Variants in HS2ST1 observed in about 807,000 individuals in gnomAD.
The protein encoded by HS2ST1 is 2-O-sulfotransferase.
Under a neutral mutation model 42.9 loss-of-function variants are expected in HS2ST1, and 18 were observed. The observed-to-expected ratio is 0.42, with a 90% CI of 0.29 to 0.62. The LOEUF is 0.62. Among genes scored for constraint, HS2ST1 ranks in the 20% least tolerant of loss-of-function variants. The pLI is 0.21. For synonymous variants in HS2ST1, 146 were observed against 152.9 expected (o/e 0.95, Z 0.33); for missense variants, 334 against 433.8 (o/e 0.77, Z 2.04).
intron 4 of HS2ST1, among the ~76,000 whole-genome samples, chr1:87,097,554 C>T (rs1227790883): frequency 1.3e-5 from 2 of 152,072 alleles, no homozygotes; most frequent in Non-Finnish European, 2.9e-5. Context: ...CTACCACGCC[C>T]AGCTAATTTT....
intron 1 of HS2ST1, among the ~76,000 whole-genome samples, chr1:86,964,645 TGGGGAG>T (rs1647990322): frequency 6.6e-6 from 1 of 152,062 alleles, no homozygotes; most frequent in African/African-American, 2.4e-5. Flanking sequence ...AGGGAGACCG[TGGGGAG>T]AGGGAGAGGG....
At chr1:87,014,545 A>G (rs901273789) in intron 1 of HS2ST1, among the ~76,000 whole-genome samples, 2 of 152,252 alleles carry the variant, frequency 1.3e-5, no homozygotes, top group Admixed American at 6.5e-5. Flanking sequence ...GAACAGCTAT[A>G]TAGTGTAAAA....
intron 1 of HS2ST1, among the ~76,000 whole-genome samples, chr1:87,001,525 A>G (rs1649282615): frequency 6.6e-6 from 1 of 152,262 alleles, no homozygotes; most frequent in Non-Finnish European, 1.5e-5. Context: ...AGAGCCTTCT[A>G]GAACTTTAGA....
chr1:86,972,193 A>G (rs983268051), intron 1 of HS2ST1, among the ~76,000 whole-genome samples: 2 of 152,216 alleles, frequency 1.3e-5, no homozygotes, highest in Non-Finnish European at 2.9e-5. Flanking sequence ...TTACATATAT[A>G]CATACCTCCT....
At chr1:86,974,134 T>C (rs1648319435) in intron 1 of HS2ST1, among the ~76,000 whole-genome samples, 1 of 152,190 alleles carries the variant, frequency 6.6e-6, no homozygotes, top group South Asian at 2.1e-4. Context: ...TCTTTTGTTC[T>C]AATGGGGTGA....
intron 1 of HS2ST1, among the ~76,000 whole-genome samples, chr1:87,044,516 TTCAG>T (rs1171842564): frequency 7.2e-5 from 11 of 152,202 alleles, no homozygotes; most frequent in South Asian, 2.1e-4. Flanking sequence ...TTGAATCTGT[TTCAG>T]TCAGAGTATG....
chr1:87,077,242 T>A (rs1198204695), intron 2 of HS2ST1, among the ~76,000 whole-genome samples: 2 of 152,208 alleles, frequency 1.3e-5, no homozygotes, highest in Non-Finnish European at 1.5e-5. Flanking sequence ...CTTTAAATTG[T>A]TATTCCTACC....
intron 1 of HS2ST1, among the ~76,000 whole-genome samples, chr1:87,000,961 T>C (rs1379964140): frequency 5.3e-5 from 8 of 152,184 alleles, no homozygotes; most frequent in Non-Finnish European, 4.4e-5. Flanking sequence ...CTGCAGTATA[T>C]TGGTTTCCAG....
At chr1:87,084,393 T>C (rs1439573675) in intron 3 of HS2ST1, 114 bp downstream of exon 3, 5 of 621,440 alleles carry the variant, frequency 8.0e-6, no homozygotes, top group Non-Finnish European at 1.1e-5. Flanking sequence ...CTGTCTTGCC[T>C]TTGCCAGTTT....
chr1:87,011,339 T>G (rs1425518064), intron 1 of HS2ST1, among the ~76,000 whole-genome samples: 5 of 152,102 alleles, frequency 3.3e-5, no homozygotes, highest in Non-Finnish European at 7.4e-5. Flanking sequence ...CTTGAACTCT[T>G]GGGCTCAAGC....
chr1:87,056,543 A>G (rs896909764), intron 1 of HS2ST1, among the ~76,000 whole-genome samples: 2 of 152,214 alleles, frequency 1.3e-5, no homozygotes, highest in African/African-American at 4.8e-5. Flanking sequence ...TTTCTCAAAA[A>G]TGAATGAAGT....
intron 1 of HS2ST1, among the ~76,000 whole-genome samples, chr1:86,918,119 A>G (rs571235628): frequency 1.1e-4 from 16 of 152,266 alleles, no homozygotes; most frequent in African/African-American, 2.9e-4. Flanking sequence ...AGAGTACAGT[A>G]TTTTGATGGT....
intron 1 of HS2ST1, among the ~76,000 whole-genome samples, chr1:86,989,847 T>C (rs1648891901): frequency 6.6e-6 from 1 of 152,170 alleles, no homozygotes; most frequent in Non-Finnish European, 1.5e-5. Context: ...TGTGTTAGTT[T>C]GCTGAGAATG....
chr1:87,021,304 C>G (rs1162757980), intron 1 of HS2ST1, among the ~76,000 whole-genome samples: 1 of 152,080 alleles, frequency 6.6e-6, no homozygotes, highest in Admixed American at 6.6e-5. Flanking sequence ...GTTCAGAATC[C>G]ATACAGTATT....
intron 1 of HS2ST1, among the ~76,000 whole-genome samples, chr1:87,054,977 T>G (rs572147882): frequency 1.3e-5 from 2 of 152,320 alleles, no homozygotes; most frequent in South Asian, 4.1e-4. Flanking sequence ...AAGCCCTTCT[T>G]TGAAACAGCT....
At chr1:87,074,339 T>A (rs1020298659) in intron 2 of HS2ST1, among the ~76,000 whole-genome samples, 13 of 152,250 alleles carry the variant, frequency 8.5e-5, no homozygotes, top group Non-Finnish European at 1.9e-4. Context: ...GTATCCTAAA[T>A]ATTCTGTTTT....
At chr1:86,979,792 C>T (rs1648525979) in intron 1 of HS2ST1, among the ~76,000 whole-genome samples, 1 of 152,188 alleles carries the variant, frequency 6.6e-6, no homozygotes, top group South Asian at 2.1e-4. Flanking sequence ...TACCATTTTC[C>T]ATGGCAGCTG....
chr1:87,035,778 A>G (rs1231837696), intron 1 of HS2ST1, among the ~76,000 whole-genome samples: 1 of 152,062 alleles, frequency 6.6e-6, no homozygotes, highest in African/African-American at 2.4e-5. Context: ...TTGTTGTTTA[A>G]GAATTAAAAC....
At chr1:87,007,721 A>G (rs988631619) in intron 1 of HS2ST1, among the ~76,000 whole-genome samples, 1 of 152,146 alleles carries the variant, frequency 6.6e-6, no homozygotes, top group African/African-American at 2.4e-5. Flanking sequence ...GCAGTGTGAC[A>G]TAGTTTATCA....
Sources: allele counts gnomAD v4.1 joint callset (sites outside exome capture counted in the v4.1 genomes callset), GRCh38; gene constraint gnomAD v4.1.1; transcripts MANE v1.5; gene names NCBI Gene and HGNC (gene_info 2026-07-23, HGNC 2026-07-21).